The following ST8SIA6 variants were observed in gnomAD, a reference collection of about 807,000 sequenced individuals.
The protein encoded by ST8SIA6 is alpha-2,8-sialyltransferase 8F.
In ST8SIA6, 39 loss-of-function variants were observed where a neutral mutation model predicts 33.6. That is an observed-to-expected ratio of 1.16 (90% confidence interval 0.90 to 1.52). The LOEUF is 1.52. Ranked by LOEUF, ST8SIA6 falls within the 40% of genes most tolerant of loss-of-function variation. ST8SIA6 has a pLI of 0.00. For synonymous variants in ST8SIA6, 172 were observed against 167.2 expected (o/e 1.03, Z -0.22); for missense variants, 441 against 443.8 (o/e 0.99, Z 0.06).
At chr10:17,347,953 C>CAAAAAAAAAAAAAAA (rs55996465) in intron 4 of ST8SIA6, among the ~76,000 whole-genome samples, 39 of 68,620 alleles carry the variant, frequency 5.7e-4, no homozygotes, top group Non-Finnish European at 9.3e-4. Context: ...GACTCTGTCT[C>CAAAAAAAAAAAAAAA]AAAAAAAAAA....
At chr10:17,399,917 CAAAAA>C (rs61580333) in intron 2 of ST8SIA6, among the ~76,000 whole-genome samples, 7 of 111,078 alleles carry the variant, frequency 6.3e-5, no homozygotes, top group Non-Finnish European at 8.0e-5. Context: ...GATTCTGTCT[CAAAAA>C]AAAAAAAAAA....
chr10:17,428,532 C>G (rs11254586), intron 2 of ST8SIA6, among the ~76,000 whole-genome samples: 14,454 of 151,854 alleles, frequency 0.095, 1,587 homozygotes, highest in African/African-American at 0.27. Context: ...TGGAGAAACA[C>G]ACAGGGAGAA....
chr10:17,361,252 T>C (rs1392294565), intron 3 of ST8SIA6, among the ~76,000 whole-genome samples: 1 of 151,958 alleles, frequency 6.6e-6, no homozygotes, highest in Non-Finnish European at 1.5e-5. Context: ...ATTAAATTGA[T>C]AAAAACTCTT....
intron 4 of ST8SIA6, among the ~76,000 whole-genome samples, chr10:17,336,338 T>G (rs1386842736): frequency 1.3e-5 from 2 of 152,178 alleles, no homozygotes; most frequent in African/African-American, 2.4e-5. Context: ...CAATAAGCGC[T>G]TGAATAACCA....
At chr10:17,352,068 A>T (rs1281344176) in intron 4 of ST8SIA6, among the ~76,000 whole-genome samples, 1 of 152,182 alleles carries the variant, frequency 6.6e-6, no homozygotes. Context: ...TGTTAAGCAT[A>T]TGAGCTGATG....
intron 2 of ST8SIA6, among the ~76,000 whole-genome samples, chr10:17,408,572 A>C (rs1851348251): frequency 6.6e-6 from 1 of 151,848 alleles, no homozygotes; most frequent in African/African-American, 2.4e-5. Context: ...AGAGAGGAGA[A>C]TCGCTTGAAC....
intron 3 of ST8SIA6, among the ~76,000 whole-genome samples, chr10:17,370,678 C>A (rs1849704359): frequency 6.6e-6 from 1 of 151,978 alleles, no homozygotes; most frequent in South Asian, 2.1e-4. Context: ...CCCAACTATA[C>A]CTTGTTATCA....
At chr10:17,334,018 G>GTT (rs927696048) in intron 4 of ST8SIA6, among the ~76,000 whole-genome samples, 2 of 144,204 alleles carry the variant, frequency 1.4e-5, no homozygotes, top group South Asian at 2.2e-4. Context: ...ACTGCACCTG[G>GTT]TTTTTTTTTT....
intron 2 of ST8SIA6, among the ~76,000 whole-genome samples, chr10:17,444,834 G>C (rs931562388): frequency 2.6e-5 from 4 of 152,210 alleles, no homozygotes; most frequent in Non-Finnish European, 5.9e-5. Flanking sequence ...TCTTAAAAGA[G>C]AAGGGTTGCA....
chr10:17,331,613 AC>A, intron 4 of ST8SIA6, 61 bp from the exon 5 acceptor site: 2 of 1,505,404 alleles, frequency 1.3e-6, no homozygotes, highest in Non-Finnish European at 1.8e-6. Context: ...GAAAATGCAG[AC>A]CACGATGGAC....
At chr10:17,408,152 A>G (rs1851334877) in intron 2 of ST8SIA6, 1 of 152,620 alleles carries the variant, frequency 6.6e-6, no homozygotes, top group African/African-American at 2.4e-5. Flanking sequence ...ATCCAGCCCG[A>G]CAAATGCAAC....
chr10:17,396,479 T>G (rs1230545534), intron 2 of ST8SIA6, among the ~76,000 whole-genome samples: 1 of 152,160 alleles, frequency 6.6e-6, no homozygotes, highest in Non-Finnish European at 1.5e-5. Flanking sequence ...AACTTCTCAT[T>G]TAACTGTGCT....
Position 17,453,570 on chromosome 10 carries a change from G to A in ST8SIA6, c.189C>T (p.Arg63=). 2 of 1,327,398 alleles carry A rather than the reference G, an allele frequency of 1.5e-6. No individual in the cohort carries two copies. Among genetic ancestry groups the A allele is most frequent in the Non-Finnish European group, 1.9e-6 (2 of 1,030,982 alleles). 82.2% of individuals were successfully genotyped at this position (1,327,398 alleles called of 1,614,324 possible). A position where few individuals can be genotyped will look rare whatever the true frequency, so the allele number is the denominator to read the frequency against. Residue 63 remains arginine, a synonymous_variant, in exon 2 of 8, where the codon CGC becomes CGT. Coordinates refer to ENST00000377602, the MANE Select transcript of ST8SIA6 (RefSeq NM_001004470.3). The part of the protein sequence containing the change: ...TLRSPATAVP[R]ATNSTYLNEK... ...GGGCGCCGCTGTACCTGTTAGTGGC[G>A]CGCGGTACCGCGGTCGCCGGGCTCC...
At chr10:17,417,939 A>G (rs1207482921) in intron 2 of ST8SIA6, among the ~76,000 whole-genome samples, 1 of 152,236 alleles carries the variant, frequency 6.6e-6, no homozygotes, top group Non-Finnish European at 1.5e-5. Flanking sequence ...GAGGGAGTAC[A>G]GGAAGGGGAA....
chr10:17,321,220 G>A lies in ST8SIA6; in HGVS notation c.855C>T (p.Tyr285=), dbSNP rs369979251. The change falls in exon 8 of 8, where the codon TAC becomes TAT. Residue 285 remains tyrosine, a synonymous_variant. Coordinates refer to ENST00000377602, the MANE Select transcript of ST8SIA6 (RefSeq NM_001004470.3). ...GTCTTGCTTTAGACTCTTCGAGCGT[G>A]TAGTATACTTTGAAAGAGGTACCCG... ...ANTGTSFKVY[Y]TLEESKARQK... 16 of 1,613,940 alleles carry A rather than the reference G, an allele frequency of 9.9e-6. No homozygotes were observed. The highest frequency in any genetic ancestry group is 2.2e-5 in the East Asian group (1 of 44,890).
chr10:17,318,012 A>T lies in ST8SIA6; in HGVS notation c.*2866T>A, dbSNP rs1180780935. ...TCATGAAGCCCTTTGCAGGGACCAC[A>T]GAGTACTATGGACTATATACTTAAA... On this transcript the variant is annotated 3_prime_UTR_variant, in exon 8 of 8. Transcript: ENST00000377602. Among the ~76,000 whole-genome samples the T allele has an allele frequency of 1.3e-5, 2 of 152,232 alleles. No homozygotes were observed. The highest frequency in any genetic ancestry group is 3.8e-4 in the East Asian group (2 of 5,198).
chr10:17,329,036 C>T (rs1001155168), intron 5 of ST8SIA6, among the ~76,000 whole-genome samples: 10 of 152,108 alleles, frequency 6.6e-5, no homozygotes, highest in South Asian at 6.2e-4. Context: ...CTGAGCAGTC[C>T]GGAGTGACAG....
chr10:17,371,377 T>C (rs866734168), intron 3 of ST8SIA6, among the ~76,000 whole-genome samples: 1 of 152,106 alleles, frequency 6.6e-6, no homozygotes, highest in Non-Finnish European at 1.5e-5. Flanking sequence ...TTTAAAAACA[T>C]GAGACTAAAT....
At chr10:17,326,626 TAAACAA>T (rs1848137400) in intron 6 of ST8SIA6, among the ~76,000 whole-genome samples, 1 of 152,124 alleles carries the variant, frequency 6.6e-6, no homozygotes, top group Admixed American at 6.6e-5. Context: ...AATGCGCTGT[TAAACAA>T]AAACAAAAAC....
Sources: allele counts gnomAD v4.1 joint callset (sites outside exome capture counted in the v4.1 genomes callset), GRCh38; gene constraint gnomAD v4.1.1; transcripts MANE v1.5; gene names NCBI Gene and HGNC (gene_info 2026-07-23, HGNC 2026-07-21).